Variants in CEP135 observed in about 807,000 individuals in gnomAD.
CEP135 encodes the protein centrosomal protein of 135 kDa.
A neutral mutation model predicts 157.3 loss-of-function variants in CEP135; 142 were observed. That is an observed-to-expected ratio of 0.90 (90% CI 0.79 to 1.04). The LOEUF is 1.04. Among genes scored for constraint, CEP135 ranks in the 50% least tolerant of loss-of-function variants. The pLI, the probability that CEP135 is intolerant of heterozygous loss-of-function variation, is 0.00. For missense variants in CEP135, 1,317 were observed against 1,309.2 expected (o/e 1.01, Z -0.09); for synonymous variants, 396 against 439.8 (o/e 0.90, Z 1.25).
intron 18 of CEP135, 29 bp from the exon 19 acceptor site, chr4:56,009,706 T>A: frequency 6.3e-7 from 1 of 1,575,134 alleles, no homozygotes; most frequent in Middle Eastern, 1.7e-4. Flanking sequence ...AAAGTTTTCT[T>A]TATTAGTTTC....
chr4:56,009,111 A>G (rs1468880540), intron 18 of CEP135, among the ~76,000 whole-genome samples: 1 of 152,120 alleles, frequency 6.6e-6, no homozygotes, highest in Non-Finnish European at 1.5e-5. Context: ...TATATTGCCC[A>G]GGCTGGTCTC....
chr4:56,010,072 G>A (rs1473100263), intron 19 of CEP135, among the ~76,000 whole-genome samples, 169 bp downstream of exon 19: 2 of 152,072 alleles, frequency 1.3e-5, no homozygotes, highest in African/African-American at 2.4e-5. Context: ...AGCTTAGGCC[G>A]GGCGCAGTGG....
At position 56,031,969 on chromosome 4, in the gene CEP135, A is replaced by T. The variant is rs1731368063; in HGVS notation, c.*621A>T. ...ATCTAGAAGAACTATGATGAGAAAGATACATTTATATATTATGTAAAATGT... is the reference window on the plus strand; with the variant it reads ...ATCTAGAAGAACTATGATGAGAAAGTTACATTTATATATTATGTAAAATGT... On this transcript the variant is annotated 3_prime_UTR_variant, in exon 26 of 26. Coordinates refer to ENST00000257287, the MANE Select transcript of CEP135 (RefSeq NM_025009.5). 6.6e-6 allele frequency: 1 copy of T among 152,218 alleles called. No homozygotes were observed. The highest frequency in any genetic ancestry group is 1.5e-5 in the Non-Finnish European group (1 of 68,036). 9.4% of individuals were successfully genotyped at this position (152,218 alleles called of 1,614,324 possible). A position where few individuals can be genotyped will look rare whatever the true frequency, so the allele number is the denominator to read the frequency against.
intron 10 of CEP135, among the ~76,000 whole-genome samples, chr4:55,972,956 C>T (rs890178082): frequency 2.6e-5 from 4 of 151,820 alleles, no homozygotes; most frequent in South Asian, 2.1e-4. Context: ...CGCTTGAACC[C>T]GGAGGCGGAG....
rs943075910 is a variant in CEP135 at position 55,965,666 on chromosome 4, A to G, written c.851A>G (p.Asn284Ser). The G allele has an allele frequency of 1.2e-6, 2 of 1,608,880 alleles. No individual in the cohort carries two copies. Among genetic ancestry groups the G allele is most frequent in the Admixed American group, 3.4e-5 (2 of 58,918 alleles). The change falls in exon 8 of 26, where the codon AAT (asparagine) becomes AGT (serine). Residue 284 changes from asparagine (N) to serine (S), a missense_variant. By Grantham distance (46) the Asn-to-Ser change is conservative. Transcript: ENST00000257287. ...NIQVDFLQQA[N>S]KDLEKRIREL... Reference sequence around the variant, plus strand: ...TAGGTTGACTTTCTTCAGCAAGCTAATAAAGACCTGGAGAAGCGTATACGA... The same window carrying G: ...TAGGTTGACTTTCTTCAGCAAGCTAGTAAAGACCTGGAGAAGCGTATACGA...
chr4:56,000,913 C>T (rs182452538), intron 17 of CEP135, among the ~76,000 whole-genome samples: 7 of 152,246 alleles, frequency 4.6e-5, no homozygotes, highest in East Asian at 3.9e-4. Context: ...TTTCCAGCAT[C>T]GGTTATTCCC....
intron 24 of CEP135, among the ~76,000 whole-genome samples, chr4:56,022,231 T>C (rs1331156284): frequency 6.6e-6 from 1 of 152,178 alleles, no homozygotes; most frequent in Non-Finnish European, 1.5e-5. Context: ...CCCAGGCTTA[T>C]AGACTTCCCC....
At chr4:55,951,798 G>A (rs761761686) in intron 1 of CEP135, among the ~76,000 whole-genome samples, 1 of 152,112 alleles carries the variant, frequency 6.6e-6, no homozygotes, top group African/African-American at 2.4e-5. Flanking sequence ...TTTTAAAAGA[G>A]GCCTCTCTGA....
chr4:55,959,213 A>C (rs114110367), intron 5 of CEP135, among the ~76,000 whole-genome samples: 313 of 152,356 alleles, frequency 2.1e-3, no homozygotes, highest in African/African-American at 7.3e-3. Flanking sequence ...TGGAATTAAC[A>C]AGTTCCAGAA....
chr4:55,962,229 A>G (rs1260654284), intron 6 of CEP135, among the ~76,000 whole-genome samples: 1 of 151,896 alleles, frequency 6.6e-6, no homozygotes, highest in Non-Finnish European at 1.5e-5. Context: ...CCTCCTGAGT[A>G]GCTGGGACTA....
chr4:55,985,432 A>T (rs1284809086), intron 14 of CEP135, 74 bp downstream of exon 14: 2 of 554,440 alleles, frequency 3.6e-6, no homozygotes, highest in African/African-American at 4.4e-5. Context: ...TTAATACACT[A>T]TTTTTTAATT....
intron 10 of CEP135, among the ~76,000 whole-genome samples, chr4:55,973,734 G>A (rs1162478646): frequency 6.6e-6 from 1 of 152,070 alleles, no homozygotes; most frequent in Non-Finnish European, 1.5e-5. Context: ...CATAGCATCA[G>A]CGTCTTGAAA....
chr4:56,022,575 C>T (rs1295758700), intron 24 of CEP135, among the ~76,000 whole-genome samples: 1 of 152,048 alleles, frequency 6.6e-6, no homozygotes, highest in Admixed American at 6.6e-5. Flanking sequence ...TTGAGAAGCA[C>T]TGAACTAATT....
In CEP135 at chr4:56,011,507, C is replaced by T. The variant is rs953328655; in HGVS notation, c.2601C>T (p.Ser867=). ...KYITEVSRWE[S]LMAAKEKENQ... is the part of the protein sequence containing the mutation. ...TAACAGAGGTGTCACGATGGGAGAG[C>T]TTAATGGCTGCCAAGGTGAAAAATA... The change falls in exon 20 of 26, where the codon AGC becomes AGT. Residue 867 remains serine, a synonymous_variant. Transcript: ENST00000257287. 4 of 1,600,496 alleles carry T rather than the reference C, an allele frequency of 2.5e-6. No individual in the cohort carries two copies. Among genetic ancestry groups the T allele is most frequent in the Non-Finnish European group, 3.4e-6 (4 of 1,175,294 alleles).
chr4:56,006,741 T>G (rs1730359953), intron 17 of CEP135, among the ~76,000 whole-genome samples: 1 of 152,248 alleles, frequency 6.6e-6, no homozygotes, highest in African/African-American at 2.4e-5. Context: ...GGTGTCACTG[T>G]CTTGTCAGGA....
chr4:56,014,952 TGGG>T (rs35012864), intron 21 of CEP135, among the ~76,000 whole-genome samples: 5 of 151,856 alleles, frequency 3.3e-5, no homozygotes, highest in Non-Finnish European at 5.9e-5. Context: ...CCCAGCTACT[TGGG>T]GGGCTGAGCC....
intron 14 of CEP135, among the ~76,000 whole-genome samples, chr4:55,988,040 A>G (rs1372434984): frequency 4.6e-5 from 7 of 152,362 alleles, no homozygotes; most frequent in African/African-American, 1.4e-4. Flanking sequence ...CAATTTACCT[A>G]TGGATAAATT....
Position 56,005,871 on chromosome 4 carries a change from G to T in CEP135, c.2281-2456G>T, listed in dbSNP as rs953674524. Among the ~76,000 whole-genome samples the T allele has an allele frequency of 8.5e-5, 13 of 152,212 alleles. No homozygotes were observed. In the East Asian group the frequency reaches 2.3e-3, roughly 27 times the overall value. ...CACTTTTTTTGGATGACATATTCTT[G>T]TATGGCAGTTTTTTTCTTTTAGTAC... On this transcript the variant is annotated intron_variant, in intron 17 of 25. Coordinates refer to ENST00000257287, the MANE Select transcript of CEP135 (RefSeq NM_025009.5).
At chr4:55,979,214 C>A (rs906456294) in intron 11 of CEP135, among the ~76,000 whole-genome samples, 1 of 152,008 alleles carries the variant, frequency 6.6e-6, no homozygotes, top group Non-Finnish European at 1.5e-5. Flanking sequence ...TACCATAGAT[C>A]CCAAGTCTAC....
Sources: allele counts gnomAD v4.1 joint callset (sites outside exome capture counted in the v4.1 genomes callset), GRCh38; gene constraint gnomAD v4.1.1; transcripts MANE v1.5; gene names NCBI Gene and HGNC (gene_info 2026-07-23, HGNC 2026-07-21).